BICC1: variants seen among roughly 807,000 people sequenced by gnomAD.
BICC1 encodes protein bicaudal C homolog 1.
Under a neutral mutation model 111.0 loss-of-function variants are expected in BICC1, and 43 were observed. The ratio of observed to expected loss-of-function variants is 0.39; its 90% CI spans 0.30 to 0.50. BICC1 has a LOEUF of 0.50. Ranked by LOEUF, BICC1 falls within the 20% of genes least tolerant of loss-of-function variation. BICC1 has a pLI of 0.88. For missense variants in BICC1, 1,091 were observed against 1,203.2 expected, an observed-to-expected ratio of 0.91 and a Z score of 1.38; for synonymous variants, 467 against 434.4, an observed-to-expected ratio of 1.07 and a Z score of -0.93.
In BICC1 at chr10:58,513,293, C is replaced by G; in HGVS notation, c.150C>G (p.Arg50=). 6.2e-7 allele frequency: 1 copy of G among 1,611,456 alleles called. No homozygotes were observed. The highest frequency in any genetic ancestry group is 2.2e-5 in the East Asian group (1 of 44,618). The change falls in exon 1 of 21, where the codon CGC becomes CGG. Residue 50 remains arginine (R), a synonymous_variant. Coordinates refer to ENST00000373886, the MANE Select transcript of BICC1 (RefSeq NM_001080512.3). ...TLHSPEWSEE[R]FRVDRKKLEA... The stretch of plus-strand genomic sequence containing the variant: ...ACAGCCCGGAGTGGAGCGAGGAGCG[C>G]TTCCGCGTGGACAGGAAGAAACTTG...
chr10:58,827,843 T>C (rs1269759513), intron 20 of BICC1, among the ~76,000 whole-genome samples: 1 of 152,134 alleles, frequency 6.6e-6, no homozygotes, highest in Non-Finnish European at 1.5e-5. Context: ...CCACCACCAC[T>C]ACCTATTGAG....
chr10:58,553,541 C>T (rs1042422930), intron 1 of BICC1, among the ~76,000 whole-genome samples: 11 of 152,244 alleles, frequency 7.2e-5, no homozygotes, highest in African/African-American at 2.4e-4. Context: ...ACCTCTGAAA[C>T]TGTAAGACAA....
In BICC1 at chr10:58,592,310, G is replaced by C. The variant is rs141896406; in HGVS notation, c.191-28545G>C. ...TTCTTCTTGTTAGGGAGGCAGAGGT[G>C]GTGGTGGAGACAACTGGGAACAGCT... On this transcript the variant is annotated intron_variant, in intron 1 of 20. Coordinates refer to ENST00000373886, the MANE Select transcript of BICC1 (RefSeq NM_001080512.3). 3.9e-5 allele frequency among the ~76,000 whole-genome samples: 6 copies of C among 152,270 alleles called. No homozygotes were observed. The East Asian group carries it at 1.2e-3, about 29-fold the overall frequency.
intron 2 of BICC1, among the ~76,000 whole-genome samples, chr10:58,627,043 A>G (rs1484584453): frequency 6.6e-6 from 1 of 152,186 alleles, no homozygotes; most frequent in Non-Finnish European, 1.5e-5. Context: ...CAGAGGTTAC[A>G]GTGAGCCAAG....
Position 58,800,342 on chromosome 10 carries a change from C to T in BICC1, c.1858+16C>T, listed in dbSNP as rs773932941. 6.2e-7 allele frequency: 1 copy of T among 1,607,848 alleles called. No homozygotes were observed. The highest frequency in any genetic ancestry group is 8.5e-7 in the Non-Finnish European group (1 of 1,177,056). On this transcript the variant is annotated intron_variant, in intron 13 of 20. Transcript: ENST00000373886. ...CCCACTGAAGGTCGGGAACTGTACC[C>T]TTCTGAAATTCATTTTGGTTGTTAT...
intron 3 of BICC1, among the ~76,000 whole-genome samples, chr10:58,749,033 G>A (rs1481395122): frequency 6.6e-6 from 1 of 152,150 alleles, no homozygotes; most frequent in African/African-American, 2.4e-5. Flanking sequence ...ATTTGCTGAG[G>A]AAGAGATTTC....
intron 3 of BICC1, among the ~76,000 whole-genome samples, chr10:58,730,725 G>A (rs771419104): frequency 1.3e-5 from 2 of 152,022 alleles, no homozygotes; most frequent in African/African-American, 4.8e-5. Flanking sequence ...AACCACCAAT[G>A]CTTCTAGCCT....
chr10:58,642,130 G>C (rs1316171692), intron 2 of BICC1, among the ~76,000 whole-genome samples: 2 of 152,132 alleles, frequency 1.3e-5, no homozygotes, highest in Non-Finnish European at 2.9e-5. Flanking sequence ...CTCTAAAGCT[G>C]GCATTTAGAA....
At chr10:58,649,286 C>T (rs1476642472) in intron 2 of BICC1, among the ~76,000 whole-genome samples, 1 of 152,146 alleles carries the variant, frequency 6.6e-6, no homozygotes, top group East Asian at 1.9e-4. Flanking sequence ...GCCCCAATGC[C>T]TATGAAAAGA....
intron 1 of BICC1, among the ~76,000 whole-genome samples, chr10:58,518,887 G>T (rs183840745): frequency 6.6e-6 from 1 of 152,154 alleles, no homozygotes; most frequent in East Asian, 1.9e-4. Flanking sequence ...AGCACTCTCA[G>T]TCACTTATCT....
intron 2 of BICC1, among the ~76,000 whole-genome samples, chr10:58,694,573 A>G (rs910363045): frequency 2.0e-5 from 3 of 152,306 alleles, no homozygotes; most frequent in African/African-American, 4.8e-5. Flanking sequence ...AGCGTGGACT[A>G]TCTGTATTGA....
chr10:58,607,341 T>TAAATAAATAAATAAAG (rs879657768), intron 1 of BICC1, among the ~76,000 whole-genome samples: 1 of 151,708 alleles, frequency 6.6e-6, no homozygotes, highest in Admixed American at 6.6e-5. Flanking sequence ...AATAAATAAA[T>TAAATAAATAAATAAAG]AAAACTGTCA....
chr10:58,687,780 T>C (rs1368467428), intron 2 of BICC1, among the ~76,000 whole-genome samples: 1 of 152,132 alleles, frequency 6.6e-6, no homozygotes, highest in African/African-American at 2.4e-5. Context: ...ACGGCTTCCC[T>C]TTGCTAGGAA....
chr10:58,610,973 T>G (rs921475067), intron 1 of BICC1, among the ~76,000 whole-genome samples: 7 of 152,198 alleles, frequency 4.6e-5, no homozygotes, highest in Non-Finnish European at 1.0e-4. Flanking sequence ...CTAGGTTGGT[T>G]AAAGCCTAAG....
At position 58,800,913 on chromosome 10, in the gene BICC1, G is replaced by C; in HGVS notation, c.1882G>C (p.Val628Leu). The change falls in exon 14 of 21, where the codon GTA becomes CTA. Residue 628 changes from valine to leucine, a missense_variant. Transcript: ENST00000373886. ...AGGTTGTAATGATGCTTTTGTTGAA[G>C]TAGGCATGCCTCGAAGTCCTTCCCA... The part of the protein sequence containing the change: ...TEGCNDAFVE[V>L]GMPRSPSHSG... 1 of 1,603,446 alleles carries C rather than the reference G, an allele frequency of 6.2e-7. No homozygotes were observed. The highest frequency in any genetic ancestry group is 1.1e-5 in the South Asian group (1 of 89,282).
chr10:58,623,331 A>G (rs1267948753), intron 2 of BICC1, among the ~76,000 whole-genome samples: 1 of 152,202 alleles, frequency 6.6e-6, no homozygotes, highest in Non-Finnish European at 1.5e-5. Flanking sequence ...TGTGAAACAT[A>G]TTATCTCAAA....
At chr10:58,828,297 A>G (rs1844457779) in intron 20 of BICC1, among the ~76,000 whole-genome samples, 1 of 152,182 alleles carries the variant, frequency 6.6e-6, no homozygotes, top group African/African-American at 2.4e-5. Context: ...ATAAAACTAA[A>G]TGATTGCCAT....
intron 3 of BICC1, among the ~76,000 whole-genome samples, chr10:58,734,907 C>A (rs1456528904): frequency 3.3e-5 from 5 of 152,106 alleles, no homozygotes; most frequent in Non-Finnish European, 7.4e-5. Context: ...TCCACATCTG[C>A]AAGCAAATTT....
At chr10:58,649,381 T>A (rs1029247520) in intron 2 of BICC1, among the ~76,000 whole-genome samples, 1 of 152,100 alleles carries the variant, frequency 6.6e-6, no homozygotes, top group South Asian at 2.1e-4. Context: ...GGGCTTGTGC[T>A]CTCTCTCTGA....
Sources: gnomAD v4.1 joint callset for allele counts (sites outside exome capture counted in the v4.1 genomes callset) on GRCh38, gnomAD v4.1.1 for gene constraint, MANE v1.5 for transcripts, NCBI Gene and HGNC (gene_info 2026-07-23, HGNC 2026-07-21) for gene names.